Variants in SLC38A12 observed in about 807,000 individuals in gnomAD.
SLC38A12 encodes the protein putative sodium-coupled neutral amino acid transporter 12.
chr17:74,818,504 C>T, the SLC38A12 span, among the ~76,000 whole-genome samples: 1 of 151,744 alleles, frequency 6.6e-6, no homozygotes, highest in Non-Finnish European at 1.5e-5. Context: ...TCCTGCCCTC[C>T]TTATGGCCAG....
chr17:74,790,262 C>T, the SLC38A12 span: 18 of 1,614,030 alleles, frequency 1.1e-5, no homozygotes, highest in East Asian at 2.2e-5. Flanking sequence ...GGGACAACTA[C>T]GAGCGGGCAG....
At chr17:74,809,818 G>C in the SLC38A12 span, among the ~76,000 whole-genome samples, 4 of 152,148 alleles carry the variant, frequency 2.6e-5, no homozygotes, top group Non-Finnish European at 5.9e-5. Flanking sequence ...AGGTTCCCCA[G>C]CATCAGAGTC....
At chr17:74,792,901 A>C in the SLC38A12 span, among the ~76,000 whole-genome samples, 2 of 152,246 alleles carry the variant, frequency 1.3e-5, no homozygotes, top group Non-Finnish European at 2.9e-5. Context: ...CTGAGCAAGC[A>C]TAAGCGTTTC....
chr17:74,828,709 G>T, the SLC38A12 span, among the ~76,000 whole-genome samples: 1 of 152,174 alleles, frequency 6.6e-6, no homozygotes, highest in Non-Finnish European at 1.5e-5. Flanking sequence ...TCACAGCCCG[G>T]GGGTACTCAG....
At chr17:74,802,604 G>A in the SLC38A12 span, among the ~76,000 whole-genome samples, 1 of 152,206 alleles carries the variant, frequency 6.6e-6, no homozygotes, top group Non-Finnish European at 1.5e-5. Context: ...GGGACCAGAA[G>A]CGTTTCTGAT....
At chr17:74,788,751 C>A in the SLC38A12 span, 9 of 1,590,722 alleles carry the variant, frequency 5.7e-6, no homozygotes, top group East Asian at 8.9e-5. Context: ...TCTCCTCCAA[C>A]CTGTCCGCCT....
chr17:74,829,849 C>G, the SLC38A12 span, among the ~76,000 whole-genome samples: 1 of 151,996 alleles, frequency 6.6e-6, no homozygotes, highest in Non-Finnish European at 1.5e-5. The surrounding 1 kb of genome is among the most constrained non-coding windows in gnomAD (Gnocchi z 4.1). Flanking sequence ...CCCACACAGA[C>G]CCCAGCATTC....
the SLC38A12 span, chr17:74,788,784 C>T: frequency 5.0e-6 from 8 of 1,612,546 alleles, no homozygotes; most frequent in East Asian, 1.8e-4. Flanking sequence ...ACTCGGCCCC[C>T]TCAGCTTCGT....
the SLC38A12 span, chr17:74,788,979 A>G: frequency 1.1e-6 from 1 of 931,748 alleles, no homozygotes; most frequent in Non-Finnish European, 1.6e-6. Flanking sequence ...GGCTCTGTCC[A>G]CGGCACTGCT....
chr17:74,795,535 G>A, the SLC38A12 span: 10 of 1,614,000 alleles, frequency 6.2e-6, no homozygotes, highest in Non-Finnish European at 8.5e-6. Flanking sequence ...AGCGCCACTG[G>A]CAATGACTCC....
At chr17:74,793,664 G>T in the SLC38A12 span, among the ~76,000 whole-genome samples, 4 of 152,140 alleles carry the variant, frequency 2.6e-5, no homozygotes, top group Non-Finnish European at 4.4e-5. Flanking sequence ...GGAGTGGGGC[G>T]GGGGACAATG....
the SLC38A12 span, chr17:74,788,931 G>A: frequency 6.7e-7 from 1 of 1,488,870 alleles, no homozygotes; most frequent in Non-Finnish European, 9.2e-7. Context: ...CCAGCAGGCG[G>A]TCTCAGCAGC....
the SLC38A12 span, among the ~76,000 whole-genome samples, chr17:74,820,830 C>T: frequency 6.6e-6 from 1 of 152,208 alleles, no homozygotes; most frequent in Non-Finnish European, 1.5e-5. Flanking sequence ...ATCCTGATTC[C>T]ATGCCAGGAC....
At chr17:74,813,834 C>CTCTG in the SLC38A12 span, among the ~76,000 whole-genome samples, 1 of 152,178 alleles carries the variant, frequency 6.6e-6, no homozygotes, top group Non-Finnish European at 1.5e-5. Context: ...GAAGTAGCCC[C>CTCTG]TCTGTCTTCC....
At chr17:74,790,391 T>C in the SLC38A12 span, 2 of 1,140,028 alleles carry the variant, frequency 1.8e-6, no homozygotes, top group Non-Finnish European at 2.6e-6. Context: ...CCCCGCAGAT[T>C]CTGGCATTTC....
the SLC38A12 span, among the ~76,000 whole-genome samples, chr17:74,827,260 G>GTC: frequency 7.9e-5 from 12 of 151,190 alleles, no homozygotes; most frequent in Non-Finnish European, 1.5e-4. The surrounding 1 kb of genome is among the most constrained non-coding windows in gnomAD (Gnocchi z 4.7). Context: ...GCACTGCCCT[G>GTC]TCTCACTCCA....
the SLC38A12 span, among the ~76,000 whole-genome samples, chr17:74,818,601 G>A: frequency 1.3e-5 from 2 of 152,156 alleles, no homozygotes; most frequent in African/African-American, 4.8e-5. Flanking sequence ...CGAGGGCTGA[G>A]CAGCTGTGAT....
chr17:74,785,526 A>G, the SLC38A12 span: 4 of 1,613,946 alleles, frequency 2.5e-6, no homozygotes, highest in African/African-American at 1.3e-5. Context: ...GCACGGGCGC[A>G]CTCACCATGC....
chr17:74,821,666 C>T, the SLC38A12 span, among the ~76,000 whole-genome samples: 1 of 152,204 alleles, frequency 6.6e-6, no homozygotes, highest in Non-Finnish European at 1.5e-5. Context: ...GTGGGTAAGA[C>T]CTGGTGGTCT....
Sources: allele counts gnomAD v4.1 joint callset (sites outside exome capture counted in the v4.1 genomes callset), GRCh38; gene constraint gnomAD v4.1.1; non-coding constraint Gnocchi (gnomAD v3.1); transcripts MANE v1.5; gene names NCBI Gene and HGNC (gene_info 2026-07-23, HGNC 2026-07-21).